Variants in CPT1A observed in about 807,000 individuals in gnomAD.
The protein encoded by CPT1A is carnitine O-palmitoyltransferase 1, liver isoform.
CPT1A carries 64 observed loss-of-function variants against 100.8 expected under a neutral mutation model. The observed-to-expected ratio is 0.63, with a 90% confidence interval of 0.52 to 0.78. The LOEUF is 0.78. CPT1A is among the 30% of genes least tolerant of loss of function. The pLI is 0.00. For missense variants in CPT1A, 802 were observed against 1,034.1 expected (o/e 0.78, Z 3.08); for synonymous variants, 363 against 396.0 (o/e 0.92, Z 0.99).
At chr11:68,840,886 C>T (rs1383308182) in intron 1 of CPT1A, among the ~76,000 whole-genome samples, 3 of 152,192 alleles carry the variant, frequency 2.0e-5, no homozygotes, top group Non-Finnish European at 4.4e-5. Flanking sequence ...CCCCCACCCT[C>T]CCGCGGCCCC....
At chr11:68,789,018 A>G (rs1855546741) in intron 9 of CPT1A, among the ~76,000 whole-genome samples, 1 of 151,440 alleles carries the variant, frequency 6.6e-6, no homozygotes, top group Middle Eastern at 3.2e-3. Context: ...TCACTTAGAA[A>G]GGAAAACAGG....
intron 6 of CPT1A, 26 bp from the exon 7 acceptor site, chr11:68,796,959 C>T: frequency 6.2e-7 from 1 of 1,612,306 alleles, no homozygotes. Context: ...ACCAGACAAA[C>T]CCGCAGGCTC....
rs542683580 is a variant in CPT1A, at chr11:68,815,357, T to C, written c.118A>G (p.Lys40Glu). 1 of 1,614,174 alleles carries C rather than the reference T, an allele frequency of 6.2e-7. No homozygotes were observed. The highest frequency in any genetic ancestry group is 1.7e-5 in the Admixed American group (1 of 60,016). The change falls in exon 2 of 19, where the codon AAA becomes GAA. Residue 40 changes from lysine to glutamate, a missense_variant. Lys to Glu is a moderately conservative substitution (Grantham distance 56). This residue lies in a region of CPT1A where 161 missense variants were observed against 183.7 expected (regional missense o/e 0.88). Transcript: ENST00000265641. The part of the protein sequence containing the change: ...QIYLSGLHSW[K>E]KKFIRFKNGI... ...ACCTTGAATCTGATGAACTTCTTTT[T>C]CCAGGAATGAAGTCCAGAGAGATAG...
intron 11 of CPT1A, 33 bp from the exon 12 acceptor site, chr11:68,780,778 GT>G (rs765273078): frequency 1.3e-6 from 2 of 1,559,636 alleles, no homozygotes; most frequent in African/African-American, 2.7e-5. Flanking sequence ...GAACTTAAGT[GT>G]TTAAAGAGGC....
rs933871582 is a variant in CPT1A at position 68,762,758 on chromosome 11, T to C, written c.1744A>G (p.Met582Val). 2 of 1,614,090 alleles carry C rather than the reference T, an allele frequency of 1.2e-6. No individual in the cohort carries two copies. The change falls in exon 15 of 19, where the codon ATG becomes GTG. Residue 582 changes from methionine (M) to valine (V), a missense_variant. Met to Val is a conservative substitution (Grantham distance 21). This residue lies in a region of CPT1A where 627 missense variants were observed against 799.3 expected (regional missense o/e 0.78). Coordinates refer to ENST00000265641, the MANE Select transcript of CPT1A (RefSeq NM_001876.4). ...TCGTATGTGAGGCAAAACTTGCCCATGTCCTGGGGAAAGAGAAGTACTTCA... is the reference window on the plus strand; with the variant it reads ...TCGTATGTGAGGCAAAACTTGCCCACGTCCTGGGGAAAGAGAAGTACTTCA... ...LALQLAHYKD[M>V]GKFCLTYEAS...
intron 18 of CPT1A, among the ~76,000 whole-genome samples, chr11:68,758,567 C>T (rs925307299): frequency 1.3e-5 from 2 of 151,884 alleles, no homozygotes; most frequent in Non-Finnish European, 2.9e-5. Flanking sequence ...GCTTCAAAAC[C>T]ATTGCTGCCA....
chr11:68,775,224 G>T, intron 13 of CPT1A, 92 bp downstream of exon 13: 2 of 1,067,884 alleles, frequency 1.9e-6, no homozygotes, highest in Non-Finnish European at 2.9e-6. Flanking sequence ...CTCATGATAG[G>T]GCAGGAACTA....
rs187363766 is a variant in CPT1A, at chr11:68,806,759, G to A, written c.453+708C>T. Among the ~76,000 whole-genome samples the A allele has an allele frequency of 1.2e-3, 175 of 151,680 alleles. 2 individuals are homozygous for A. Among genetic ancestry groups the A allele is most frequent in the East Asian group, 7.0e-3 (36 of 5,140 alleles). Reference sequence around the variant, plus strand: ...AGCCTGACCAACATGGTAAAACCCCGTCTCTACTAAAAATACAAAACTAGC... The same window carrying A: ...AGCCTGACCAACATGGTAAAACCCCATCTCTACTAAAAATACAAAACTAGC... On this transcript the variant is annotated intron_variant, in intron 4 of 18. Coordinates refer to ENST00000265641, the MANE Select transcript of CPT1A (RefSeq NM_001876.4).
At position 68,757,535 on chromosome 11, in the gene CPT1A, T is replaced by A. The variant is rs1946714799; in HGVS notation, c.*109A>T. 1.3e-6 allele frequency: 2 copies of A among 1,564,844 alleles called. No individual in the cohort carries two copies. The highest frequency in any genetic ancestry group is 3.8e-5 in the Admixed American group (2 of 53,172). ...CACATTTTCTGGAAGGAAAACTGAG[T>A]TTTTTTAAGAGCAGTGTTTCATCCC... On this transcript the variant is annotated 3_prime_UTR_variant, in exon 19 of 19. Transcript: ENST00000265641.
At position 68,773,179 on chromosome 11, in the gene CPT1A, T is replaced by G. The variant is rs571379189; in HGVS notation, c.1740+86A>C. On this transcript the variant is annotated intron_variant, in intron 14 of 18. Coordinates refer to ENST00000265641, the MANE Select transcript of CPT1A (RefSeq NM_001876.4). ...CTTCTCCTATGCCGGGTTTCGGGCC[T>G]TCCCTCCCCACTGGGTGAACAGTCT... is the stretch of plus-strand genomic sequence containing the variant. The G allele has an allele frequency of 1.8e-5, 29 of 1,595,330 alleles. No individual in the cohort carries two copies. In the African/African-American group the frequency reaches 3.6e-4, roughly 20 times the overall value.
intron 3 of CPT1A, 144 bp from the exon 4 acceptor site, chr11:68,807,782 T>A: frequency 1.3e-6 from 1 of 754,544 alleles, no homozygotes; most frequent in Non-Finnish European, 2.3e-6. Flanking sequence ...GGGAGAGCAC[T>A]TGCAGGAACT....
chr11:68,834,104 C>T (rs931185170), intron 1 of CPT1A, among the ~76,000 whole-genome samples: 1 of 152,180 alleles, frequency 6.6e-6, no homozygotes, highest in Non-Finnish European at 1.5e-5. Context: ...ATGGACTATT[C>T]ACATTTATGG....
intron 18 of CPT1A, among the ~76,000 whole-genome samples, chr11:68,759,318 C>G (rs1946755118): frequency 6.6e-6 from 1 of 151,650 alleles, no homozygotes; most frequent in African/African-American, 2.4e-5. Flanking sequence ...TCACTTGAGC[C>G]CGGGAGGCAG....
At chr11:68,757,752 C>T (rs372012837) in intron 18 of CPT1A, 22 bp from the exon 19 acceptor site, 48 of 1,607,972 alleles carry the variant, frequency 3.0e-5, no homozygotes, top group Admixed American at 6.7e-5. Flanking sequence ...AAACAAAAAC[C>T]AAAAACCTAT....
At chr11:68,754,775 C>T, downstream of CPT1A, 1 of 780,660 alleles carries the variant, frequency 1.3e-6, no homozygotes, top group Non-Finnish European at 2.4e-6. Flanking sequence ...ATGGTCTCCT[C>T]CAAGGCCTTG....
intron 9 of CPT1A, among the ~76,000 whole-genome samples, chr11:68,790,039 A>C (rs2153999156): frequency 6.6e-6 from 1 of 152,228 alleles, no homozygotes; most frequent in Non-Finnish European, 1.5e-5. Context: ...GTACCTGTGA[A>C]AACCTTATTT....
chr11:68,796,764 G>A, intron 7 of CPT1A, 92 bp downstream of exon 7: 1 of 1,260,214 alleles, frequency 7.9e-7, no homozygotes, highest in Non-Finnish European at 1.1e-6. Context: ...GTTTTCCCAG[G>A]CCGTCCACAG....
chr11:68,773,622 T>C (rs890237536), intron 13 of CPT1A, 193 bp from the exon 14 acceptor site: 1 of 940,628 alleles, frequency 1.1e-6, no homozygotes, highest in Non-Finnish European at 1.6e-6. Context: ...GCAGCTGCAA[T>C]GTTATAGCAG....
Position 68,755,194 on chromosome 11 carries a change from A to C in CPT1A, c.*2450T>G. 2 of 280,326 alleles carry C rather than the reference A, an allele frequency of 7.1e-6. No homozygotes were observed. The highest frequency in any genetic ancestry group is 7.0e-6 in the Non-Finnish European group (1 of 143,742). 17.4% of individuals were successfully genotyped at this position (280,326 alleles called of 1,614,324 possible). Reference sequence around the variant, plus strand: ...TTTAAAACCTGAGAGAGAAACCCAAATATGTTTAAGCACTCACGTCTACAC... The same window carrying C: ...TTTAAAACCTGAGAGAGAAACCCAACTATGTTTAAGCACTCACGTCTACAC... On this transcript the variant is annotated 3_prime_UTR_variant, in exon 19 of 19. Transcript: ENST00000265641.
Sources: gnomAD v4.1 joint callset for allele counts (sites outside exome capture counted in the v4.1 genomes callset) on GRCh38, gnomAD v4.1.1 for gene constraint, gnomAD v4.1.1 regional missense constraint, MANE v1.5 for transcripts, NCBI Gene and HGNC (gene_info 2026-07-23, HGNC 2026-07-21) for gene names.